The following DPP6 variants were observed in gnomAD, a reference collection of about 807,000 sequenced individuals.
DPP6 encodes the protein dipeptidyl peptidase like 6, also known as A-type potassium channel modulatory protein DPP6.
A neutral mutation model predicts 122.6 loss-of-function variants in DPP6; 69 were observed. That is an observed-to-expected ratio of 0.56 (90% CI 0.46 to 0.69). The LOEUF (loss-of-function observed/expected upper bound fraction) is 0.69, where lower values mean the gene tolerates loss of function less well. Among genes scored for constraint, DPP6 ranks in the 30% least tolerant of loss-of-function variants. The probability of loss-of-function intolerance (pLI) is 0.00; values close to 1 mark genes in which losing one functional copy is unlikely to be tolerated. For synonymous variants in DPP6, 418 were observed against 433.1 expected (o/e 0.97, Z 0.43); for missense variants, 928 against 1,116.9 (o/e 0.83, Z 2.41).
intron 6 of DPP6, among the ~76,000 whole-genome samples, chr7:154,649,789 T>C (rs934145420): frequency 6.6e-6 from 1 of 152,170 alleles, no homozygotes; most frequent in African/African-American, 2.4e-5. Context: ...ACTTTCTAAA[T>C]GACATATCAG....
intron 16 of DPP6, among the ~76,000 whole-genome samples, chr7:154,808,115 C>T (rs1022392492): frequency 6.6e-6 from 1 of 152,212 alleles, no homozygotes; most frequent in African/African-American, 2.4e-5. Flanking sequence ...AAATATGCCA[C>T]AGGCAGAGAC....
intron 1 of DPP6, among the ~76,000 whole-genome samples, chr7:154,314,505 G>A (rs1297317378): frequency 6.6e-6 from 1 of 152,290 alleles, no homozygotes; most frequent in Non-Finnish European, 1.5e-5. Context: ...TTTTAGTAAC[G>A]TAAACCCCTT....
the DPP6 span, among the ~76,000 whole-genome samples, chr7:153,800,412 C>G: frequency 2.0e-5 from 3 of 152,048 alleles, no homozygotes; most frequent in African/African-American, 4.8e-5. Context: ...TGGTTACAGA[C>G]GCTGGGAATG....
intron 6 of DPP6, among the ~76,000 whole-genome samples, chr7:154,668,855 A>G (rs1838365895): frequency 6.6e-6 from 1 of 152,144 alleles, no homozygotes; most frequent in Non-Finnish European, 1.5e-5. Flanking sequence ...ACATCTTTCA[A>G]TTTATCCCCT....
At chr7:154,430,345 A>T (rs1188988598) in intron 1 of DPP6, among the ~76,000 whole-genome samples, 1 of 152,216 alleles carries the variant, frequency 6.6e-6, no homozygotes, top group African/African-American at 2.4e-5. Flanking sequence ...AATACCACAG[A>T]CTGCACAGCT....
chr7:153,982,998 G>A (rs545533000), intron 1 of DPP6, among the ~76,000 whole-genome samples: 43 of 152,348 alleles, frequency 2.8e-4, no homozygotes, highest in Admixed American at 4.6e-4. Flanking sequence ...GCTGGGAGGT[G>A]TCTCCCCGTC....
At chr7:154,505,742 A>G (rs10262884) in intron 3 of DPP6, among the ~76,000 whole-genome samples, 40,932 of 152,138 alleles carry the variant, frequency 0.27, 5,701 homozygotes, top group Non-Finnish European at 0.3. Flanking sequence ...CAGGCTATCA[A>G]CATGATTTAT....
At chr7:153,933,682 TTCTCTCTCTC>T (rs3060876) in intron 1 of DPP6, among the ~76,000 whole-genome samples, 3 of 150,544 alleles carry the variant, frequency 2.0e-5, no homozygotes, top group East Asian at 4.0e-4. Context: ...CATTGCCACA[TTCTCTCTCTC>T]TCTCTCTCTC....
chr7:154,064,030 T>C (rs1481605409), intron 1 of DPP6, among the ~76,000 whole-genome samples: 1,574 of 151,430 alleles, frequency 0.01, 18 homozygotes, highest in Non-Finnish European at 0.012. Context: ...GGTCCAGGAG[T>C]TATTGCAACC....
intron 7 of DPP6, among the ~76,000 whole-genome samples, chr7:154,722,320 C>T (rs1841859660): frequency 6.6e-6 from 1 of 152,262 alleles, no homozygotes; most frequent in African/African-American, 2.4e-5. Context: ...GCTCCCAGCA[C>T]GTGTTGCAGA....
chr7:154,883,510 ACC>A, intron 21 of DPP6: 1 of 145,432 alleles, frequency 6.9e-6, no homozygotes. Flanking sequence ...ACACATGCTC[ACC>A]CATACACATG....
chr7:154,018,822 C>G (rs982352867), intron 1 of DPP6, among the ~76,000 whole-genome samples: 1 of 152,076 alleles, frequency 6.6e-6, no homozygotes, highest in Admixed American at 6.6e-5. Flanking sequence ...CCCAGGGCCT[C>G]CTGAGCCTGT....
Position 154,265,063 on chromosome 7 carries a change from G to T in DPP6, c.244-181151G>T, listed in dbSNP as rs62650447. Among the ~76,000 whole-genome samples the T allele has an allele frequency of 4.1e-5, 4 of 98,734 alleles. No individual in the cohort carries two copies. The South Asian group carries it at 1.2e-3, about 31-fold the overall frequency. The allele number at this position is 98,734 out of a possible 152,430, so 64.8% of individuals were successfully genotyped here. On this transcript the variant is annotated intron_variant, in intron 1 of 25. Transcript: ENST00000377770. ...TGGTGATAATGATGGTGATCATGATGGTGTTAATGGTGATGATGATGGTGA... is the reference window on the plus strand; with the variant it reads ...TGGTGATAATGATGGTGATCATGATTGTGTTAATGGTGATGATGATGGTGA...
chr7:154,716,454 T>C (rs1321177033), intron 7 of DPP6, among the ~76,000 whole-genome samples: 1 of 152,098 alleles, frequency 6.6e-6, no homozygotes, highest in African/African-American at 2.4e-5. Flanking sequence ...ATCTGAAGAG[T>C]TCTCCCTTCA....
intron 1 of DPP6, among the ~76,000 whole-genome samples, chr7:153,893,803 G>A (rs975411205): frequency 4.6e-5 from 7 of 152,226 alleles, no homozygotes; most frequent in African/African-American, 1.7e-4. Flanking sequence ...GAAGAACAAA[G>A]ACGAGATTGT....
chr7:153,898,254 AC>A (rs748013059), intron 1 of DPP6, among the ~76,000 whole-genome samples: 5 of 152,260 alleles, frequency 3.3e-5, no homozygotes, highest in African/African-American at 1.2e-4. Flanking sequence ...GGAGTTTAAG[AC>A]CAGCCTGGGC....
At chr7:154,176,489 T>C (rs1797807556) in intron 1 of DPP6, among the ~76,000 whole-genome samples, 1 of 152,270 alleles carries the variant, frequency 6.6e-6, no homozygotes, top group South Asian at 2.1e-4. Flanking sequence ...GTTATCAGAA[T>C]GTCTTGCAAC....
At chr7:153,917,189 A>C (rs1300902552) in intron 1 of DPP6, among the ~76,000 whole-genome samples, 10 of 152,240 alleles carry the variant, frequency 6.6e-5, no homozygotes. Flanking sequence ...GTGATGAACC[A>C]GACAGGGCCA....
At chr7:154,188,501 T>C (rs2150760313) in intron 1 of DPP6, among the ~76,000 whole-genome samples, 1 of 152,288 alleles carries the variant, frequency 6.6e-6, no homozygotes, top group African/African-American at 2.4e-5. Flanking sequence ...CTGTGTAATG[T>C]GGGGGTCTCT....
Sources: gnomAD v4.1 joint callset for allele counts (sites outside exome capture counted in the v4.1 genomes callset) on GRCh38, gnomAD v4.1.1 for gene constraint, MANE v1.5 for transcripts, NCBI Gene and HGNC (gene_info 2026-07-23, HGNC 2026-07-21) for gene names.